The following NPAS2 variants were observed in gnomAD, a reference collection of about 807,000 sequenced individuals.
The protein encoded by NPAS2 is neuronal PAS domain-containing protein 2.
Under a neutral mutation model 107.5 loss-of-function variants are expected in NPAS2, and 23 were observed. The observed-to-expected ratio is 0.21, with a 90% CI of 0.15 to 0.30. The LOEUF is 0.30. Ranked by LOEUF, NPAS2 falls within the 10% of genes least tolerant of loss-of-function variation. NPAS2 has a pLI of 1.00. For missense variants in NPAS2, 756 were observed against 1,043.3 expected (o/e 0.72, Z 3.79); for synonymous variants, 403 against 417.5 (o/e 0.97, Z 0.42).
intron 1 of NPAS2, among the ~76,000 whole-genome samples, chr2:100,850,460 T>G (rs1678094529): frequency 6.6e-6 from 1 of 152,126 alleles, no homozygotes; most frequent in South Asian, 2.1e-4. Flanking sequence ...AAAATGGAAG[T>G]CAATAATGTG....
intron 1 of NPAS2, among the ~76,000 whole-genome samples, chr2:100,828,744 C>G (rs1676543847): frequency 6.6e-6 from 1 of 152,090 alleles, no homozygotes; most frequent in Admixed American, 6.6e-5. Flanking sequence ...TCTTCTATTC[C>G]ATTGGTATAT....
At chr2:100,823,956 G>A (rs939509733) in intron 1 of NPAS2, among the ~76,000 whole-genome samples, 4 of 152,176 alleles carry the variant, frequency 2.6e-5, no homozygotes, top group Admixed American at 2.6e-4. Context: ...CAGACCTGGG[G>A]TAGCCTCCCA....
chr2:100,925,619 A>G (rs536028209), intron 3 of NPAS2, among the ~76,000 whole-genome samples: 6 of 152,324 alleles, frequency 3.9e-5, no homozygotes, highest in Admixed American at 3.9e-4. Flanking sequence ...CTTTTATTCA[A>G]TGCTGAACAG....
intron 7 of NPAS2, among the ~76,000 whole-genome samples, chr2:100,956,093 A>T (rs1482389598): frequency 6.6e-6 from 1 of 152,010 alleles, no homozygotes; most frequent in African/African-American, 2.4e-5. Flanking sequence ...TTTTGTAGAG[A>T]TGAGGTCTCA....
At chr2:100,970,355 G>A (rs1474693436) in intron 11 of NPAS2, among the ~76,000 whole-genome samples, 1 of 152,234 alleles carries the variant, frequency 6.6e-6, no homozygotes, top group African/African-American at 2.4e-5. Context: ...TGAATCAGGT[G>A]GCAGGCGTTC....
intron 14 of NPAS2, chr2:100,975,838 AT>A (rs1051354315): frequency 2.8e-6 from 1 of 362,264 alleles, no homozygotes; most frequent in Non-Finnish European, 5.0e-6. Context: ...ACCCGGGGTC[AT>A]ACCCTCATAC....
intron 12 of NPAS2, 53 bp downstream of exon 12, chr2:100,971,127 G>T (rs1425656306): frequency 6.6e-7 from 1 of 1,520,618 alleles, no homozygotes; most frequent in African/African-American, 1.4e-5. Context: ...GGAAGAAAAT[G>T]CAGCCAACCA....
At chr2:100,979,535 C>T (rs1427734657) in intron 15 of NPAS2, among the ~76,000 whole-genome samples, 3 of 78,522 alleles carry the variant, frequency 3.8e-5, no homozygotes, top group East Asian at 4.3e-4. Context: ...TTTTCTGAGA[C>T]GGAGTTTCAC....
chr2:100,973,759 A>G (rs1213417839), intron 12 of NPAS2, among the ~76,000 whole-genome samples: 1 of 152,232 alleles, frequency 6.6e-6, no homozygotes, highest in Non-Finnish European at 1.5e-5. Context: ...CCATTCTTCT[A>G]ACACTAGCTA....
At chr2:100,824,963 A>G (rs559005388) in intron 1 of NPAS2, among the ~76,000 whole-genome samples, 3 of 152,310 alleles carry the variant, frequency 2.0e-5, no homozygotes, top group Admixed American at 1.3e-4. Flanking sequence ...AGAGAGGGAA[A>G]GGAAGGCATC....
At chr2:100,926,540 A>C (rs185133008) in intron 3 of NPAS2, among the ~76,000 whole-genome samples, 1 of 152,134 alleles carries the variant, frequency 6.6e-6, no homozygotes, top group Non-Finnish European at 1.5e-5. Flanking sequence ...ATAACTGATC[A>C]TGTTTTCCTT....
At chr2:100,838,360 C>T (rs1677192230) in intron 1 of NPAS2, among the ~76,000 whole-genome samples, 1 of 152,102 alleles carries the variant, frequency 6.6e-6, no homozygotes, top group African/African-American at 2.4e-5. Flanking sequence ...TCACTGAAAC[C>T]TCCACCTCCT....
At chr2:100,851,710 A>T (rs1188534999) in intron 1 of NPAS2, among the ~76,000 whole-genome samples, 1 of 152,258 alleles carries the variant, frequency 6.6e-6, no homozygotes, top group Non-Finnish European at 1.5e-5. Context: ...TTATATCTAC[A>T]GCATGATCTC....
intron 1 of NPAS2, among the ~76,000 whole-genome samples, chr2:100,848,180 C>T (rs764683184): frequency 6.6e-6 from 1 of 152,098 alleles, no homozygotes; most frequent in Non-Finnish European, 1.5e-5. Context: ...CGACTGGACT[C>T]ATGTTTTTAT....
intron 17 of NPAS2, 108 bp downstream of exon 17, chr2:100,988,384 C>A: frequency 1.1e-6 from 1 of 919,536 alleles, no homozygotes; most frequent in Non-Finnish European, 1.7e-6. Flanking sequence ...GGCCTACTGC[C>A]CTGTTCCGTT....
chr2:100,944,731 T>TTAA (rs1427580361), intron 5 of NPAS2, among the ~76,000 whole-genome samples: 1 of 152,184 alleles, frequency 6.6e-6, no homozygotes, highest in Non-Finnish European at 1.5e-5. Context: ...TTTCTGTGTG[T>TTAA]TAATTCACCA....
chr2:100,852,183 T>A lies in NPAS2; in HGVS notation c.-23+31769T>A, dbSNP rs1160333542. Among the ~76,000 whole-genome samples, 15 of 151,968 alleles carry A rather than the reference T, an allele frequency of 9.9e-5. No homozygotes were observed. The South Asian group carries it at 1.3e-3, about 13-fold the overall frequency. On this transcript the variant is annotated intron_variant, in intron 1 of 20. Transcript: ENST00000335681. ...AGGTCAAGGCGGGCGGATCACGAGG[T>A]CAGGAGATCAAGACCATCCTGGCTA... is the stretch of plus-strand genomic sequence containing the variant.
intron 1 of NPAS2, among the ~76,000 whole-genome samples, chr2:100,837,998 C>T (rs1677171022): frequency 6.6e-6 from 1 of 152,172 alleles, no homozygotes. Flanking sequence ...CTTCAGCCTT[C>T]TGTCATGAGG....
chr2:100,981,662 C>T (rs964036549), intron 15 of NPAS2, among the ~76,000 whole-genome samples: 17 of 152,050 alleles, frequency 1.1e-4, no homozygotes, highest in African/African-American at 3.4e-4. Flanking sequence ...ATTTCCGAGA[C>T]GTGCATAGTA....
Sources: allele counts gnomAD v4.1 joint callset (sites outside exome capture counted in the v4.1 genomes callset), GRCh38; gene constraint gnomAD v4.1.1; transcripts MANE v1.5; gene names NCBI Gene and HGNC (gene_info 2026-07-23, HGNC 2026-07-21).